The following SOX6 variants were observed in gnomAD, a reference collection of about 807,000 sequenced individuals.
SOX6 encodes transcription factor SOX-6.
SOX6 carries 11 observed loss-of-function variants against 97.8 expected under a neutral mutation model. That is an observed-to-expected ratio of 0.11 (90% CI 0.07 to 0.19). SOX6 has a LOEUF of 0.19. Among genes scored for constraint, SOX6 ranks in the 10% least tolerant of loss-of-function variants. The pLI, the probability that SOX6 is intolerant of heterozygous loss-of-function variation, is 1.00. For missense variants in SOX6, 810 were observed against 1,039.5 expected (o/e 0.78, Z 3.04); for synonymous variants, 360 against 371.4 (o/e 0.97, Z 0.35).
intron 4 of SOX6, among the ~76,000 whole-genome samples, chr11:16,600,593 T>C (rs1848256857): frequency 1.3e-5 from 2 of 152,204 alleles, no homozygotes; most frequent in Admixed American, 1.3e-4. Context: ...ACCCACTTTC[T>C]TCAACTGATA....
intron 6 of SOX6, among the ~76,000 whole-genome samples, chr11:16,124,925 C>T (rs60488672): frequency 0.024 from 3,637 of 152,014 alleles, 145 homozygotes; most frequent in African/African-American, 0.083. Flanking sequence ...TTAGAAAACA[C>T]CTCAGTAGAC....
intron 3 of SOX6, among the ~76,000 whole-genome samples, chr11:16,263,883 T>C (rs563490611): frequency 6.6e-6 from 1 of 151,970 alleles, no homozygotes; most frequent in Non-Finnish European, 1.5e-5. Context: ...TCTCTCCCTG[T>C]CTCTACAGTA....
intron 4 of SOX6, among the ~76,000 whole-genome samples, chr11:16,222,609 C>T (rs955505907): frequency 1.1e-4 from 17 of 152,114 alleles, no homozygotes; most frequent in African/African-American, 4.1e-4. Flanking sequence ...CAAACAAACA[C>T]AAACCAAGCT....
intron 6 of SOX6, among the ~76,000 whole-genome samples, chr11:16,179,411 T>G (rs1352672335): frequency 2.0e-5 from 3 of 151,864 alleles, no homozygotes; most frequent in African/African-American, 4.8e-5. Flanking sequence ...TGAAAGATAA[T>G]CATATATGCT....
At chr11:16,386,279 A>T (rs1857981516) in intron 1 of SOX6, among the ~76,000 whole-genome samples, 1 of 151,436 alleles carries the variant, frequency 6.6e-6, no homozygotes, top group Non-Finnish European at 1.5e-5. Flanking sequence ...CAAAACAAAG[A>T]AAAGTTTACT....
chr11:16,079,375 C>T (rs1848425839), intron 9 of SOX6, among the ~76,000 whole-genome samples: 1 of 152,114 alleles, frequency 6.6e-6, no homozygotes. Context: ...GCTATTTTTT[C>T]ACTTAATTAT....
intron 4 of SOX6, among the ~76,000 whole-genome samples, chr11:16,539,671 C>G (rs1330161065): frequency 6.6e-6 from 1 of 152,072 alleles, no homozygotes; most frequent in Non-Finnish European, 1.5e-5. Flanking sequence ...TACAAACTAC[C>G]ATCAGAGAAT....
At chr11:16,503,821 G>A (rs948644709) in intron 4 of SOX6, among the ~76,000 whole-genome samples, 2 of 152,102 alleles carry the variant, frequency 1.3e-5, no homozygotes, top group African/African-American at 4.8e-5. Context: ...AAGGTGGGCA[G>A]ATCACGAGGT....
In SOX6 at chr11:16,534,679, A is replaced by G. The variant is rs536192530; in HGVS notation, n.610-58291T>C. On this transcript the variant is annotated intron_variant and non_coding_transcript_variant, in intron 4 of 5. Transcript: ENST00000524520. ...AGTTTCTATAAGAAAATATTCATTG[A>G]GTTTTGTCTGGGGACCCCAAGAACA... Among the ~76,000 whole-genome samples the G allele has an allele frequency of 5.9e-5, 9 of 152,246 alleles. No individual in the cohort carries two copies. In the East Asian group the frequency reaches 1.6e-3, roughly 26 times the overall value.
intron 3 of SOX6, among the ~76,000 whole-genome samples, chr11:16,277,830 T>C (rs796457128): frequency 5.9e-5 from 9 of 152,356 alleles, no homozygotes; most frequent in African/African-American, 1.9e-4. Context: ...CACATTGGGT[T>C]TGGAGTTATT....
At chr11:16,188,384 G>T (rs534505358) in intron 4 of SOX6, among the ~76,000 whole-genome samples, 44 of 152,018 alleles carry the variant, frequency 2.9e-4, no homozygotes, top group Non-Finnish European at 1.3e-4. Context: ...AAGGCTAGTC[G>T]CCAGCTACTC....
At chr11:16,357,386 AAG>A (rs1487890327), upstream of SOX6, among the ~76,000 whole-genome samples, 1 of 152,116 alleles carries the variant, frequency 6.6e-6, no homozygotes, top group Non-Finnish European at 1.5e-5. Context: ...AGAATTAAGG[AAG>A]AGGGGCCCAG....
At chr11:16,031,575 C>G (rs1381186951) in intron 12 of SOX6, 1 of 152,164 alleles carries the variant, frequency 6.6e-6, no homozygotes, top group Non-Finnish European at 1.5e-5. Context: ...GTATTACACA[C>G]TAGAGCCCTG....
chr11:16,269,036 CT>C (rs796737369), intron 3 of SOX6, among the ~76,000 whole-genome samples: 247 of 142,990 alleles, frequency 1.7e-3, no homozygotes, highest in Middle Eastern at 7.2e-3. Flanking sequence ...CAATATATTG[CT>C]TTTTTTTTTA....
At chr11:16,287,132 A>G (rs923593239) in intron 3 of SOX6, among the ~76,000 whole-genome samples, 7 of 152,008 alleles carry the variant, frequency 4.6e-5, no homozygotes, top group Non-Finnish European at 8.8e-5. Flanking sequence ...TGTTGTTCTG[A>G]TGAAAAGCGT....
At chr11:16,298,334 T>C (rs1402849990) in intron 3 of SOX6, among the ~76,000 whole-genome samples, 1 of 152,152 alleles carries the variant, frequency 6.6e-6, no homozygotes, top group African/African-American at 2.4e-5. Context: ...ATTTAAACCT[T>C]TGGCTTAAAA....
rs1565077923 is a variant in SOX6 at position 16,300,608 on chromosome 11, G to A, written c.445+17838C>T. The stretch of plus-strand genomic sequence containing the variant: ...GAAAGACATTTTCATTCATTACCAC[G>A]GTCACAAGCACTTAAAGCACTTTTA... On this transcript the variant is annotated intron_variant, in intron 3 of 15. Transcript: ENST00000683767. The surrounding 1 kb of genome is among the most constrained non-coding windows in gnomAD (Gnocchi z 4.1). Among the ~76,000 whole-genome samples, 1 of 152,040 alleles carries A rather than the reference G, an allele frequency of 6.6e-6. No homozygotes were observed. The highest frequency in any genetic ancestry group is 1.5e-5 in the Non-Finnish European group (1 of 68,020).
At chr11:16,550,573 A>T (rs908584918) in intron 4 of SOX6, among the ~76,000 whole-genome samples, 1 of 152,156 alleles carries the variant, frequency 6.6e-6, no homozygotes, top group South Asian at 2.1e-4. Flanking sequence ...TACTAAAAAG[A>T]GTGAATTTCA....
chr11:16,284,358 G>A (rs1854669729), intron 3 of SOX6, among the ~76,000 whole-genome samples: 1 of 152,026 alleles, frequency 6.6e-6, no homozygotes, highest in South Asian at 2.1e-4. Context: ...AGAGTGTTCT[G>A]ACAGAGTACA....
Sources: allele counts gnomAD v4.1 joint callset (sites outside exome capture counted in the v4.1 genomes callset), GRCh38; gene constraint gnomAD v4.1.1; non-coding constraint Gnocchi (gnomAD v3.1); transcripts MANE v1.5; gene names NCBI Gene and HGNC (gene_info 2026-07-23, HGNC 2026-07-21).